Variants in AUTS2 observed in about 807,000 individuals in gnomAD.
AUTS2 encodes activator of transcription and developmental regulator AUTS2.
AUTS2 carries 17 observed loss-of-function variants against 112.4 expected under a neutral mutation model. The observed-to-expected ratio is 0.15, with a 90% CI of 0.10 to 0.23. The LOEUF is 0.23. Among genes scored for constraint, AUTS2 ranks in the 10% least tolerant of loss-of-function variants. AUTS2 has a pLI of 1.00. For missense variants in AUTS2, 1,510 were observed against 1,701.6 expected (o/e 0.89, Z 1.98); for synonymous variants, 751 against 702.7 (o/e 1.07, Z -1.09).
intron 4 of AUTS2, among the ~76,000 whole-genome samples, chr7:70,376,594 C>G (rs905355734): frequency 1.3e-5 from 2 of 151,504 alleles, no homozygotes; most frequent in African/African-American, 4.9e-5. Flanking sequence ...GGTCACTGGC[C>G]GTCTCAGGAG....
intron 6 of AUTS2, among the ~76,000 whole-genome samples, chr7:70,720,128 C>A (rs183377216): frequency 9.2e-5 from 14 of 152,020 alleles, no homozygotes; most frequent in Non-Finnish European, 1.8e-4. Flanking sequence ...AAATCTGAAT[C>A]GTTACTCCAC....
chr7:70,604,098 T>C (rs1195876519), intron 5 of AUTS2, among the ~76,000 whole-genome samples: 1 of 152,220 alleles, frequency 6.6e-6, no homozygotes, highest in East Asian at 1.9e-4. Flanking sequence ...ACTCAATAAA[T>C]ATCGACTGCA....
intron 4 of AUTS2, among the ~76,000 whole-genome samples, chr7:70,416,385 C>T (rs766881390): frequency 6.6e-6 from 1 of 152,136 alleles, no homozygotes; most frequent in African/African-American, 2.4e-5. Flanking sequence ...AGTGAGCACC[C>T]CTAATGTGAA....
chr7:69,793,376 A>G (rs1264804827), intron 1 of AUTS2, among the ~76,000 whole-genome samples: 1 of 152,240 alleles, frequency 6.6e-6, no homozygotes, highest in African/African-American at 2.4e-5. Flanking sequence ...GTATTATTTT[A>G]AGGGGCCTGG....
intron 2 of AUTS2, among the ~76,000 whole-genome samples, chr7:70,002,775 A>G (rs1047861176): frequency 4.6e-5 from 7 of 152,126 alleles, no homozygotes; most frequent in Non-Finnish European, 7.4e-5. Context: ...AAGAGGGGAT[A>G]GAAACATTGA....
chr7:70,774,616 T>C (rs1790570965), intron 12 of AUTS2, among the ~76,000 whole-genome samples: 1 of 152,210 alleles, frequency 6.6e-6, no homozygotes, highest in Non-Finnish European at 1.5e-5. Context: ...AAATATCCAT[T>C]ATGCTTTGGT....
At chr7:70,136,218 A>T (rs1806554006) in intron 4 of AUTS2, among the ~76,000 whole-genome samples, 1 of 152,144 alleles carries the variant, frequency 6.6e-6, no homozygotes, top group South Asian at 2.1e-4. Context: ...ACATTGGATG[A>T]GTATAAAAGT....
In AUTS2 at chr7:69,623,636, C is replaced by T. The variant is rs187397915; in HGVS notation, c.309+23674C>T. On this transcript the variant is annotated intron_variant, in intron 1 of 18. Coordinates refer to ENST00000342771, the MANE Select transcript of AUTS2 (RefSeq NM_015570.4). Reference sequence around the variant, plus strand: ...TTCTTAAAATATTTTTGAGTGTTTTCCTGGGGCAGTGGTAATGGTGATGGT... The same window carrying T: ...TTCTTAAAATATTTTTGAGTGTTTTTCTGGGGCAGTGGTAATGGTGATGGT... Among the ~76,000 whole-genome samples, 779 of 152,060 alleles carry T rather than the reference C, an allele frequency of 5.1e-3. 7 individuals carry two copies. Among genetic ancestry groups the T allele is most frequent in the Non-Finnish European group, 8.8e-3 (597 of 67,988 alleles).
intron 13 of AUTS2, 97 bp from the exon 14 acceptor site, chr7:70,777,006 C>G (rs921945966): frequency 5.9e-6 from 7 of 1,184,062 alleles, no homozygotes; most frequent in Non-Finnish European, 7.5e-6. Context: ...ACGAAAAAAG[C>G]CTCTGCAGCC....
At chr7:70,114,518 C>T (rs933888101) in intron 2 of AUTS2, among the ~76,000 whole-genome samples, 3 of 152,168 alleles carry the variant, frequency 2.0e-5, no homozygotes. Context: ...TTCAGCTGGG[C>T]GTGGTGACTC....
chr7:70,368,109 C>G (rs1792669774), intron 4 of AUTS2, among the ~76,000 whole-genome samples: 1 of 152,148 alleles, frequency 6.6e-6, no homozygotes, highest in South Asian at 2.1e-4. Flanking sequence ...GATCAAACCT[C>G]TGGCCTACTA....
chr7:70,626,261 C>T (rs894405140), intron 5 of AUTS2, among the ~76,000 whole-genome samples: 3 of 135,204 alleles, frequency 2.2e-5, no homozygotes, highest in African/African-American at 5.5e-5. Context: ...TGGTGGCTCA[C>T]ACCTGTGATC....
chr7:69,798,157 A>T (rs1158567971), intron 1 of AUTS2, among the ~76,000 whole-genome samples: 1 of 152,232 alleles, frequency 6.6e-6, no homozygotes, highest in Non-Finnish European at 1.5e-5. Context: ...CTTGTGAGGA[A>T]TAGCATGTAC....
At chr7:69,712,691 C>G (rs190014053) in intron 1 of AUTS2, among the ~76,000 whole-genome samples, 1 of 152,264 alleles carries the variant, frequency 6.6e-6, no homozygotes. Flanking sequence ...TACTAGAATA[C>G]AAGTCTTCGT....
intron 4 of AUTS2, among the ~76,000 whole-genome samples, chr7:70,256,978 A>G (rs968373419): frequency 1.2e-4 from 18 of 152,138 alleles, no homozygotes; most frequent in Non-Finnish European, 2.5e-4. Flanking sequence ...CCCCAGCTAT[A>G]ATGGGTAGTC....
intron 1 of AUTS2, among the ~76,000 whole-genome samples, chr7:69,742,134 G>T (rs541612271): frequency 2.0e-5 from 3 of 147,174 alleles, no homozygotes; most frequent in South Asian, 4.2e-4. Context: ...TTTTTTTGAG[G>T]GGGGAGGGCA....
chr7:70,606,620 G>A (rs1803783158), intron 5 of AUTS2, among the ~76,000 whole-genome samples: 1 of 152,134 alleles, frequency 6.6e-6, no homozygotes. Context: ...CAGCACTTTG[G>A]GAGGCTGAGG....
intron 4 of AUTS2, chr7:70,290,270 A>C: frequency 1.6e-6 from 2 of 1,213,738 alleles, no homozygotes; most frequent in Non-Finnish European, 2.2e-6. Context: ...TATAAAACAA[A>C]TTACCAATGA....
At chr7:69,764,431 G>T (rs1788331538) in intron 1 of AUTS2, among the ~76,000 whole-genome samples, 1 of 151,630 alleles carries the variant, frequency 6.6e-6, no homozygotes, top group Admixed American at 6.6e-5. Context: ...GGGCAGGGGC[G>T]CAGGTCTCTA....
Sources: allele counts gnomAD v4.1 joint callset (sites outside exome capture counted in the v4.1 genomes callset), GRCh38; gene constraint gnomAD v4.1.1; transcripts MANE v1.5; gene names NCBI Gene and HGNC (gene_info 2026-07-23, HGNC 2026-07-21).